The following TRAPPC9 variants were observed in gnomAD, a reference collection of about 807,000 sequenced individuals.
The protein encoded by TRAPPC9 is trafficking protein particle complex subunit 9.
TRAPPC9 carries 83 observed loss-of-function variants against 124.0 expected under a neutral mutation model. That is an observed-to-expected ratio of 0.67 (90% CI 0.56 to 0.80). TRAPPC9 has a LOEUF of 0.80. TRAPPC9 is among the 30% of genes least tolerant of loss of function. The pLI is 0.00. For missense variants in TRAPPC9, 1,302 were observed against 1,508.3 expected (o/e 0.86, Z 2.27); for synonymous variants, 638 against 617.5 (o/e 1.03, Z -0.49).
chr8:139,746,022 C>T (rs1818858690), intron 21 of TRAPPC9, among the ~76,000 whole-genome samples: 1 of 152,244 alleles, frequency 6.6e-6, no homozygotes, highest in Admixed American at 6.5e-5. Flanking sequence ...ACCCAGGTCT[C>T]CCTGGCACCA....
chr8:139,770,224 A>G (rs1820869558), intron 21 of TRAPPC9, among the ~76,000 whole-genome samples: 1 of 152,224 alleles, frequency 6.6e-6, no homozygotes, highest in Admixed American at 6.5e-5. Flanking sequence ...AGTGGTGACA[A>G]TGGAGCCCAG....
At chr8:139,790,993 C>G (rs759487813) in intron 21 of TRAPPC9, among the ~76,000 whole-genome samples, 9 of 152,144 alleles carry the variant, frequency 5.9e-5, no homozygotes, top group Admixed American at 1.3e-4. Context: ...TCCCTGAGGC[C>G]TCCCCAGAAG....
intron 17 of TRAPPC9, among the ~76,000 whole-genome samples, chr8:140,163,210 AG>A (rs943922725): frequency 5.3e-5 from 8 of 152,098 alleles, no homozygotes; most frequent in African/African-American, 1.9e-4. Context: ...CCCCCACTCC[AG>A]GGCCATCAAC....
chr8:139,997,015 G>C (rs896673889), intron 18 of TRAPPC9, among the ~76,000 whole-genome samples: 3 of 152,126 alleles, frequency 2.0e-5, no homozygotes, highest in Non-Finnish European at 2.9e-5. Flanking sequence ...CCAAAGTGCT[G>C]GGATTACAGG....
At chr8:139,985,791 T>G (rs1301795973) in intron 19 of TRAPPC9, among the ~76,000 whole-genome samples, 1 of 152,078 alleles carries the variant, frequency 6.6e-6, no homozygotes, top group African/African-American at 2.4e-5. Flanking sequence ...TCACAGTGAG[T>G]GCATTAGCAT....
intron 9 of TRAPPC9, among the ~76,000 whole-genome samples, chr8:140,350,149 GTTTAGAAGCAGAGATGCTGAATTCTGC>G (rs2132115630): frequency 6.6e-6 from 1 of 152,314 alleles, no homozygotes; most frequent in Non-Finnish European, 1.5e-5. Context: ...GCCCACTAAG[GTTTAGAAGCAGAGATGCTGAATTCTGC>G]TCTGAAAATA....
At chr8:140,434,199 C>T (rs1242647663) in intron 4 of TRAPPC9, among the ~76,000 whole-genome samples, 1 of 152,208 alleles carries the variant, frequency 6.6e-6, no homozygotes, top group Non-Finnish European at 1.5e-5. Context: ...CACTCCCACA[C>T]TGTGGAGTGT....
chr8:140,032,227 T>A (rs987190710), intron 17 of TRAPPC9, among the ~76,000 whole-genome samples: 1 of 152,232 alleles, frequency 6.6e-6, no homozygotes, highest in African/African-American at 2.4e-5. Flanking sequence ...TCATTTAAAA[T>A]GTAAGTGATA....
chr8:140,130,326 G>T (rs1168816148), intron 17 of TRAPPC9, among the ~76,000 whole-genome samples: 4 of 152,136 alleles, frequency 2.6e-5, no homozygotes, highest in Admixed American at 6.5e-5. Flanking sequence ...TGGAGAGGCC[G>T]GGCAGACACC....
intron 9 of TRAPPC9, among the ~76,000 whole-genome samples, chr8:140,324,407 C>A (rs1360956353): frequency 1.3e-5 from 2 of 152,014 alleles, no homozygotes; most frequent in Admixed American, 6.6e-5. Flanking sequence ...GAAGTAAAAC[C>A]TGATAGAAAT....
rs574925920 is a variant in TRAPPC9, at chr8:139,730,997, G to A, written c.*64C>T. 2.5e-6 allele frequency: 4 copies of A among 1,577,772 alleles called. 1 individual carries two copies. The highest frequency in any genetic ancestry group is 4.5e-4 in the Middle Eastern group (2 of 4,432). ...CAGTGAAGGCCTTGCTCATTGCAGG[G>A]GGTGTGGGAGGCCAGGCAGGGTCAC... On this transcript the variant is annotated 3_prime_UTR_variant, in exon 23 of 23. Coordinates refer to ENST00000438773, the MANE Select transcript of TRAPPC9 (RefSeq NM_001160372.4).
chr8:139,905,065 A>T lies in TRAPPC9; in HGVS notation c.2964+5082T>A, dbSNP rs559841270. Among the ~76,000 whole-genome samples, 277 of 152,332 alleles carry T rather than the reference A, an allele frequency of 1.8e-3. 2 individuals carry two copies. Among genetic ancestry groups the T allele is most frequent in the Non-Finnish European group, 3.0e-3 (202 of 68,026 alleles). On this transcript the variant is annotated intron_variant, in intron 20 of 22. Coordinates refer to ENST00000438773, the MANE Select transcript of TRAPPC9 (RefSeq NM_001160372.4). ...AGCTGGAGGGTAAGAAGAAGCTTAA[A>T]AGAAGAAGGTACCAAAGGTAGGTAG...
At chr8:139,955,171 C>A (rs1834892557) in intron 19 of TRAPPC9, among the ~76,000 whole-genome samples, 1 of 152,122 alleles carries the variant, frequency 6.6e-6, no homozygotes, top group South Asian at 2.1e-4. Flanking sequence ...ACCAGCTGCA[C>A]CAGCCATCGG....
chr8:140,436,177 C>A (rs1354748158), intron 3 of TRAPPC9, among the ~76,000 whole-genome samples: 1 of 152,062 alleles, frequency 6.6e-6, no homozygotes, highest in African/African-American at 2.4e-5. Context: ...GAAACCCTGA[C>A]TCTACTAAAA....
intron 17 of TRAPPC9, among the ~76,000 whole-genome samples, chr8:140,218,830 C>T (rs1248254736): frequency 1.3e-5 from 2 of 152,028 alleles, no homozygotes; most frequent in Non-Finnish European, 2.9e-5. Flanking sequence ...TGTGGTGGCG[C>T]ACGCCTGTAA....
chr8:140,251,561 G>A (rs1264933760), intron 16 of TRAPPC9, among the ~76,000 whole-genome samples: 1 of 152,192 alleles, frequency 6.6e-6, no homozygotes, highest in Non-Finnish European at 1.5e-5. Flanking sequence ...AACTGCAGAG[G>A]GTGCAGACAG....
Position 139,730,436 on chromosome 8 carries a change from C to T in TRAPPC9, c.*625G>A, listed in dbSNP as rs1817746797. On this transcript the variant is annotated 3_prime_UTR_variant, in exon 23 of 23. Coordinates refer to ENST00000438773, the MANE Select transcript of TRAPPC9 (RefSeq NM_001160372.4). Reference sequence around the variant, plus strand: ...ACGCCACCCTGGGGCCAGGGAGCACCCAGAAACAGCCCTGGGCTGCCAGCC... The same window carrying T: ...ACGCCACCCTGGGGCCAGGGAGCACTCAGAAACAGCCCTGGGCTGCCAGCC... 1 of 153,452 alleles carries T rather than the reference C, an allele frequency of 6.5e-6. No individual in the cohort carries two copies. Among genetic ancestry groups the T allele is most frequent in the Admixed American group, 6.5e-5 (1 of 15,498 alleles). 9.5% of individuals were successfully genotyped at this position (153,452 alleles called of 1,614,324 possible).
chr8:140,438,845 C>T (rs2070909607), intron 3 of TRAPPC9, among the ~76,000 whole-genome samples: 2 of 152,168 alleles, frequency 1.3e-5, no homozygotes, highest in Admixed American at 6.5e-5. Flanking sequence ...GCGCGTGCCA[C>T]CACGCCCAGC....
chr8:140,245,770 G>A (rs189720230), intron 16 of TRAPPC9, among the ~76,000 whole-genome samples: 26 of 152,274 alleles, frequency 1.7e-4, no homozygotes, highest in Non-Finnish European at 3.1e-4. Context: ...GAGCCAGAGC[G>A]CTGATCAGCC....
Sources: gnomAD v4.1 joint callset for allele counts (sites outside exome capture counted in the v4.1 genomes callset) on GRCh38, gnomAD v4.1.1 for gene constraint, MANE v1.5 for transcripts, NCBI Gene and HGNC (gene_info 2026-07-23, HGNC 2026-07-21) for gene names.